Variants in DGKG observed in about 807,000 individuals in gnomAD.
The protein encoded by DGKG is diacylglycerol kinase gamma.
A neutral mutation model predicts 105.3 loss-of-function variants in DGKG; 78 were observed. That is an observed-to-expected ratio of 0.74 (90% CI 0.62 to 0.89). The LOEUF (loss-of-function observed/expected upper bound fraction) is 0.89. Ranked by LOEUF, DGKG falls within the 40% of genes least tolerant of loss-of-function variation. The pLI is 0.00. For synonymous variants in DGKG, 346 were observed against 367.1 expected (o/e 0.94, Z 0.66); for missense variants, 958 against 1,020.1 (o/e 0.94, Z 0.83).
At chr3:186,161,536 A>G in intron 24 of DGKG, 67 bp downstream of exon 24, 1 of 1,611,188 alleles carries the variant, frequency 6.2e-7, no homozygotes, top group South Asian at 1.1e-5. Flanking sequence ...TTTCATATTA[A>G]GTCAGTGCCC....
chr3:186,204,877 C>T lies in DGKG; in HGVS notation c.1917+6918G>A, dbSNP rs1266208770. 2.0e-5 allele frequency among the ~76,000 whole-genome samples: 3 copies of T among 152,136 alleles called. No homozygotes were observed. The East Asian group carries it at 5.8e-4, about 29-fold the overall frequency. ...CCAAAGTGGCTTACCACTGATGTTCCCACCAGCAGTGTCTGAGAGTTCCCA... is the reference window on the plus strand; with the variant it reads ...CCAAAGTGGCTTACCACTGATGTTCTCACCAGCAGTGTCTGAGAGTTCCCA... On this transcript the variant is annotated intron_variant, in intron 21 of 24. Transcript: ENST00000265022.
At position 186,251,855 on chromosome 3, in the gene DGKG, C is replaced by T. The variant is rs752438255; in HGVS notation, c.1665G>A (p.Leu555=). The T allele has an allele frequency of 6.2e-7, 1 of 1,612,780 alleles. No homozygotes were observed. ...KDIEQSPLVM[L]DRWHLEVIPR... ...GGATGACTTCCAGATGCCAGCGGTC[C>T]AGCATCACCAAGGGGCTCTGCTCAA... Residue 555 remains leucine (L), a synonymous_variant, in exon 19 of 25, where the codon CTG becomes CTA. Transcript: ENST00000265022.
At chr3:186,341,113 A>G (rs16860726) in intron 1 of DGKG, among the ~76,000 whole-genome samples, 3,841 of 152,216 alleles carry the variant, frequency 0.025, 144 homozygotes, top group African/African-American at 0.088. Context: ...ATCTCCCACT[A>G]GTTTGAGGGG....
intron 16 of DGKG, among the ~76,000 whole-genome samples, chr3:186,259,212 C>T (rs779631760): frequency 1.3e-5 from 2 of 152,186 alleles, no homozygotes; most frequent in African/African-American, 2.4e-5. Flanking sequence ...GCGTATCAGC[C>T]CGGGAAGTAG....
At chr3:186,343,424 A>G (rs1726179657) in intron 1 of DGKG, among the ~76,000 whole-genome samples, 1 of 152,040 alleles carries the variant, frequency 6.6e-6, no homozygotes, top group Admixed American at 6.6e-5. Flanking sequence ...CTGAGTAGCC[A>G]GGACCACAGA....
At chr3:186,283,820 C>A (rs1425068741) in intron 7 of DGKG, among the ~76,000 whole-genome samples, 1 of 152,224 alleles carries the variant, frequency 6.6e-6, no homozygotes, top group East Asian at 1.9e-4. Flanking sequence ...CCCATAGAGG[C>A]ACCCTGGGGT....
chr3:186,318,136 T>C (rs1724905426), intron 2 of DGKG, among the ~76,000 whole-genome samples: 2 of 152,196 alleles, frequency 1.3e-5, no homozygotes, highest in Admixed American at 1.3e-4. Context: ...GCCTGGAAAC[T>C]GCCTGATCCA....
At chr3:186,333,437 G>A (rs547368898) in intron 1 of DGKG, among the ~76,000 whole-genome samples, 37 of 152,282 alleles carry the variant, frequency 2.4e-4, no homozygotes, top group Non-Finnish European at 4.9e-4. Context: ...TCCTGAGGCA[G>A]TAAAACATTA....
chr3:186,358,711 C>G (rs983570075), intron 1 of DGKG, among the ~76,000 whole-genome samples: 1 of 151,066 alleles, frequency 6.6e-6, no homozygotes, highest in Non-Finnish European at 1.5e-5. Flanking sequence ...GACATCAGCT[C>G]TCACTATGGT....
At chr3:186,222,500 G>A (rs571990439) in intron 20 of DGKG, among the ~76,000 whole-genome samples, 145 of 152,278 alleles carry the variant, frequency 9.5e-4, no homozygotes, top group African/African-American at 3.3e-3. Flanking sequence ...TTTTTGAATT[G>A]ACACAATATG....
chr3:186,357,208 C>T (rs1478738165), intron 1 of DGKG, among the ~76,000 whole-genome samples: 2 of 152,104 alleles, frequency 1.3e-5, no homozygotes, highest in East Asian at 3.9e-4. Context: ...CCTCCTTCAC[C>T]CATCCAGGGA....
intron 22 of DGKG, among the ~76,000 whole-genome samples, chr3:186,180,964 G>A (rs967410083): frequency 3.3e-5 from 5 of 152,216 alleles, no homozygotes; most frequent in African/African-American, 1.2e-4. Flanking sequence ...TCACATCTAG[G>A]AGGGCAGATC....
intron 1 of DGKG, among the ~76,000 whole-genome samples, chr3:186,354,001 G>A (rs1475365451): frequency 1.3e-5 from 2 of 152,106 alleles, no homozygotes; most frequent in Non-Finnish European, 1.5e-5. Context: ...TGGACATGCC[G>A]GCATGAGAAA....
At chr3:186,358,685 C>A (rs1167551009) in intron 1 of DGKG, among the ~76,000 whole-genome samples, 1 of 150,788 alleles carries the variant, frequency 6.6e-6, no homozygotes, top group East Asian at 1.9e-4. Context: ...CAGACAAACT[C>A]TGTTACTTAT....
chr3:186,178,838 G>T (rs1264858799), intron 22 of DGKG, among the ~76,000 whole-genome samples: 1 of 152,228 alleles, frequency 6.6e-6, no homozygotes, highest in African/African-American at 2.4e-5. Flanking sequence ...TTTGTAGAAA[G>T]AATTGTACGT....
intron 21 of DGKG, among the ~76,000 whole-genome samples, chr3:186,209,116 T>C (rs1718900932): frequency 8.6e-6 from 1 of 116,316 alleles, no homozygotes; most frequent in South Asian, 2.9e-4. Flanking sequence ...TTTTTTTTTT[T>C]AAGACGGCGT....
intron 20 of DGKG, among the ~76,000 whole-genome samples, chr3:186,216,434 A>G (rs937123701): frequency 6.6e-6 from 1 of 152,100 alleles, no homozygotes; most frequent in Non-Finnish European, 1.5e-5. Context: ...GCTAGAAGTG[A>G]ATGCATTCTA....
intron 20 of DGKG, among the ~76,000 whole-genome samples, chr3:186,227,911 T>C (rs1719931689): frequency 6.6e-6 from 1 of 152,188 alleles, no homozygotes; most frequent in Non-Finnish European, 1.5e-5. Context: ...AGGGCAATAA[T>C]TTTCCAAAAA....
chr3:186,279,546 T>C, intron 9 of DGKG: 1 of 193,518 alleles, frequency 5.2e-6, no homozygotes. Context: ...AATTCTTCTT[T>C]GAAGTTTGTG....
Sources: gnomAD v4.1 joint callset for allele counts (sites outside exome capture counted in the v4.1 genomes callset) on GRCh38, gnomAD v4.1.1 for gene constraint, MANE v1.5 for transcripts, NCBI Gene and HGNC (gene_info 2026-07-23, HGNC 2026-07-21) for gene names.